The following CDH8 variants were observed in gnomAD, a reference collection of about 807,000 sequenced individuals.
CDH8 encodes cadherin 8.
CDH8 carries 17 observed loss-of-function variants against 68.1 expected under a neutral mutation model. That is an observed-to-expected ratio of 0.25 (90% CI 0.17 to 0.37). The LOEUF (loss-of-function observed/expected upper bound fraction) is 0.37, where lower values mean the gene tolerates loss of function less well. CDH8 is among the 10% of genes least tolerant of loss of function. The pLI is 1.00. For synonymous variants in CDH8, 372 were observed against 365.1 expected (o/e 1.02, Z -0.21); for missense variants, 763 against 999.3 (o/e 0.76, Z 3.19).
chr16:62,032,292 G>A (rs1011743422), intron 1 of CDH8, among the ~76,000 whole-genome samples: 28 of 152,068 alleles, frequency 1.8e-4, no homozygotes, highest in Non-Finnish European at 3.7e-4. Context: ...AAATGAGTTC[G>A]TTATCTGGGC....
At chr16:61,859,860 G>T (rs1963118679) in intron 3 of CDH8, among the ~76,000 whole-genome samples, 1 of 152,110 alleles carries the variant, frequency 6.6e-6, no homozygotes, top group Non-Finnish European at 1.5e-5. Flanking sequence ...AGGTGCTTTT[G>T]TTTTTGAGAG....
intron 3 of CDH8, among the ~76,000 whole-genome samples, chr16:61,872,677 A>G (rs1176840774): frequency 2.0e-5 from 3 of 152,182 alleles, no homozygotes; most frequent in African/African-American, 7.2e-5. Flanking sequence ...AGTCCTGTCC[A>G]GCTCCCCATT....
intron 8 of CDH8, among the ~76,000 whole-genome samples, chr16:61,779,264 ACT>A (rs1304901706): frequency 7.3e-5 from 11 of 151,688 alleles, no homozygotes; most frequent in African/African-American, 2.7e-4. Context: ...CCCTGCAGAG[ACT>A]CTATTCTAAG....
intron 4 of CDH8, among the ~76,000 whole-genome samples, chr16:61,830,838 A>AT (rs1242684529): frequency 1.3e-5 from 2 of 151,846 alleles, no homozygotes; most frequent in South Asian, 2.1e-4. Context: ...AGCTTAGATC[A>AT]TTTTTTCCAG....
intron 4 of CDH8, among the ~76,000 whole-genome samples, chr16:61,835,053 ATAT>A (rs1962539782): frequency 1.3e-5 from 2 of 151,976 alleles, no homozygotes; most frequent in African/African-American, 4.8e-5. Flanking sequence ...GCTTAGTAAG[ATAT>A]TTGTCCAACA....
intron 4 of CDH8, among the ~76,000 whole-genome samples, chr16:61,830,434 T>G (rs1202870819): frequency 6.6e-6 from 1 of 151,874 alleles, no homozygotes; most frequent in Non-Finnish European, 1.5e-5. Context: ...TTATCCATTT[T>G]CAACTTTTAT....
chr16:61,770,282 A>G (rs1041551856), intron 8 of CDH8, among the ~76,000 whole-genome samples: 10 of 151,888 alleles, frequency 6.6e-5, no homozygotes, highest in Admixed American at 5.3e-4. Context: ...TGCAGATATC[A>G]TTTAATGTTA....
chr16:61,973,101 C>T (rs1448990160), intron 2 of CDH8, among the ~76,000 whole-genome samples: 1 of 151,984 alleles, frequency 6.6e-6, no homozygotes, highest in Non-Finnish European at 1.5e-5. Context: ...TGATTTTTTT[C>T]AATAAATGTT....
chr16:61,788,723 C>G (rs935791464), intron 8 of CDH8, among the ~76,000 whole-genome samples: 2 of 151,696 alleles, frequency 1.3e-5, no homozygotes, highest in African/African-American at 4.8e-5. Context: ...TTTTAACAAC[C>G]CTAGACTCTC....
chr16:61,917,032 G>A (rs79006809), intron 2 of CDH8, among the ~76,000 whole-genome samples: 21,427 of 151,386 alleles, frequency 0.14, 2,156 homozygotes, highest in East Asian at 0.29. Flanking sequence ...TCTTGTTGCA[G>A]TTCAGCATTG....
rs1447150355 is a variant in CDH8 at position 61,649,154 on chromosome 16, T to G, written c.*4454A>C. On this transcript the variant is annotated 3_prime_UTR_variant, in exon 12 of 12. Coordinates refer to ENST00000577390, the MANE Select transcript of CDH8 (RefSeq NM_001796.5). ...TTATTTTGTCCACAAAAAAATACAA[T>G]GACATTTAAAAAGTCTAAGTACAGC... is the stretch of plus-strand genomic sequence containing the variant. The G allele has an allele frequency of 6.6e-6, 1 of 152,030 alleles. No homozygotes were observed. The highest frequency in any genetic ancestry group is 1.5e-5 in the Non-Finnish European group (1 of 67,950). The allele number at this position is 152,030 out of a possible 1,614,324, so 9.4% of individuals were successfully genotyped here. A position where few individuals can be genotyped will look rare whatever the true frequency, so the allele number is the denominator to read the frequency against.
chr16:61,713,946 C>T lies in CDH8; in HGVS notation c.1549G>A (p.Val517Ile), dbSNP rs753955851. The T allele has an allele frequency of 1.9e-6, 3 of 1,595,460 alleles. No homozygotes were observed. The highest frequency in any genetic ancestry group is 2.6e-6 in the Non-Finnish European group (3 of 1,163,912). ...GGATCATCTTTGTCCATGGCGCTAA[C>T]AGTTTGAATGACCTGAAACATAAAA... Reference protein sequence around the residue: ...NGKPGQVIQTVSAMDKDDPKN... With the variant: ...NGKPGQVIQTISAMDKDDPKN... Residue 517 changes from valine (V) to isoleucine (I), a missense_variant, in exon 10 of 12, where the codon GTT becomes ATT. This residue lies in a region of CDH8 where 397 missense variants were observed against 436.2 expected (regional missense o/e 0.91). Transcript: ENST00000577390.
intron 10 of CDH8, among the ~76,000 whole-genome samples, chr16:61,674,131 C>A (rs1309380910): frequency 6.6e-6 from 1 of 152,080 alleles, no homozygotes; most frequent in Non-Finnish European, 1.5e-5. Context: ...GAAAGATACA[C>A]CATAAAAGTA....
At chr16:61,816,003 T>C (rs963058779) in intron 7 of CDH8, among the ~76,000 whole-genome samples, 1 of 152,120 alleles carries the variant, frequency 6.6e-6, no homozygotes, top group African/African-American at 2.4e-5. Context: ...CATTGGCCCA[T>C]TAATAGATAT....
chr16:61,759,537 G>A (rs1960411675), intron 8 of CDH8, among the ~76,000 whole-genome samples: 1 of 152,102 alleles, frequency 6.6e-6, no homozygotes, highest in South Asian at 2.1e-4. Context: ...CTCTGAAACA[G>A]TACTGGATAC....
chr16:61,837,129 G>A (rs1209722274), intron 4 of CDH8, among the ~76,000 whole-genome samples: 1 of 151,706 alleles, frequency 6.6e-6, no homozygotes, highest in Non-Finnish European at 1.5e-5. Context: ...TCTGAAAATA[G>A]AATTTCCCTC....
At chr16:61,675,112 T>C (rs1963876374) in intron 10 of CDH8, among the ~76,000 whole-genome samples, 1 of 152,052 alleles carries the variant, frequency 6.6e-6, no homozygotes, top group Non-Finnish European at 1.5e-5. Context: ...AAGGAAGTTA[T>C]TAATCTTGAA....
At chr16:61,885,886 G>C (rs918284095) in intron 3 of CDH8, among the ~76,000 whole-genome samples, 1 of 152,168 alleles carries the variant, frequency 6.6e-6, no homozygotes, top group Non-Finnish European at 1.5e-5. Flanking sequence ...ATGGAAGACT[G>C]TAGGTTATCT....
chr16:61,825,324 G>C, intron 4 of CDH8, 145 bp from the exon 5 acceptor site: 1 of 599,900 alleles, frequency 1.7e-6, no homozygotes. Context: ...CATTTGATTG[G>C]TGTGTGCCTG....
Sources: gnomAD v4.1 joint callset for allele counts (sites outside exome capture counted in the v4.1 genomes callset) on GRCh38, gnomAD v4.1.1 for gene constraint, gnomAD v4.1.1 regional missense constraint, MANE v1.5 for transcripts, NCBI Gene and HGNC (gene_info 2026-07-23, HGNC 2026-07-21) for gene names.